Variants in RPAP3 observed in about 807,000 individuals in gnomAD.
RPAP3 encodes the protein RNA polymerase II-associated protein 3.
A neutral mutation model predicts 88.8 loss-of-function variants in RPAP3; 58 were observed. That is an observed-to-expected ratio of 0.65 (90% CI 0.53 to 0.81). The LOEUF (loss-of-function observed/expected upper bound fraction) is 0.81. Ranked by LOEUF, RPAP3 falls within the 40% of genes least tolerant of loss-of-function variation. RPAP3 has a pLI of 0.00. For missense variants in RPAP3, 751 were observed against 764.3 expected (o/e 0.98, Z 0.20); for synonymous variants, 255 against 259.9 (o/e 0.98, Z 0.18).
In RPAP3 at chr12:47,681,825, A is replaced by C; in HGVS notation, c.993-8T>G. The C allele has an allele frequency of 6.4e-7, 1 of 1,569,346 alleles. No individual in the cohort carries two copies. The highest frequency in any genetic ancestry group is 8.6e-7 in the Non-Finnish European group (1 of 1,164,664). The stretch of plus-strand genomic sequence containing the variant: ...TTTTCAGCTTCTTCATATCTATTGA[A>C]CATGATAAAATTACTGACTGGAAAA... On this transcript the variant is annotated splice_region_variant and splice_polypyrimidine_tract_variant and intron_variant, in intron 9 of 16. Coordinates refer to ENST00000005386, the MANE Select transcript of RPAP3 (RefSeq NM_024604.3).
Position 47,669,074 on chromosome 12 carries a change from A to G in RPAP3, c.1555T>C (p.Cys519Arg), listed in dbSNP as rs1938942009. 2 of 1,613,832 alleles carry G rather than the reference A, an allele frequency of 1.2e-6. No individual in the cohort carries two copies. The highest frequency in any genetic ancestry group is 1.7e-4 in the Middle Eastern group (1 of 6,060). ...QPQASLKQDV[C>R]QSYSEKMPIE... ...GGCATTTTCTCGCTGTAAGACTGAC[A>G]TACATCCTGCTTCAAACTGGCTTGA... Residue 519 changes from cysteine (C) to arginine (R), a missense_variant, in exon 14 of 17, where the codon TGT (cysteine) becomes CGT (arginine). Coordinates refer to ENST00000005386, the MANE Select transcript of RPAP3 (RefSeq NM_024604.3).
intron 9 of RPAP3, 32 bp downstream of exon 9, chr12:47,686,748 C>T: frequency 7.0e-7 from 1 of 1,425,922 alleles, no homozygotes; most frequent in Non-Finnish European, 9.3e-7. Flanking sequence ...AATTTTTATC[C>T]TGAACAGCAC....
chr12:47,681,556 T>C (rs1204254127), intron 10 of RPAP3, 140 bp downstream of exon 10: 4 of 831,146 alleles, frequency 4.8e-6, no homozygotes, highest in Non-Finnish European at 1.8e-6. Context: ...TCCAAATCTA[T>C]TCGTGATCTA....
chr12:47,705,093 G>A (rs56967344), intron 1 of RPAP3, among the ~76,000 whole-genome samples: 6,536 of 152,220 alleles, frequency 0.043, 463 homozygotes, highest in African/African-American at 0.14. Context: ...CATAGTCTGG[G>A]GAAAAAGCAA....
Position 47,688,063 on chromosome 12 carries a change from C to G in RPAP3, c.739-62G>C, listed in dbSNP as rs1270514683. The stretch of plus-strand genomic sequence containing the variant: ...TAATGCAAGATGCATATATATTTGA[C>G]CTTAAAACATAAATACCTCAAATAT... On this transcript the variant is annotated intron_variant, in intron 7 of 16. Transcript: ENST00000005386. The G allele has an allele frequency of 8.7e-6, 12 of 1,385,360 alleles. No homozygotes were observed. The South Asian group carries it at 2.0e-4, about 23-fold the overall frequency. The allele number at this position is 1,385,360 out of a possible 1,614,324, so 85.8% of individuals were successfully genotyped here.
At chr12:47,686,412 G>A (rs976832813) in intron 9 of RPAP3, among the ~76,000 whole-genome samples, 3 of 151,996 alleles carry the variant, frequency 2.0e-5, no homozygotes, top group Non-Finnish European at 4.4e-5. Context: ...TACATAAAGC[G>A]ACTAGAGAAA....
chr12:47,672,432 CTCA>C (rs1485606508), intron 12 of RPAP3, among the ~76,000 whole-genome samples: 1 of 152,144 alleles, frequency 6.6e-6, no homozygotes. Flanking sequence ...CTGAAATTGC[CTCA>C]GCATTTATGC....
intron 12 of RPAP3, among the ~76,000 whole-genome samples, chr12:47,678,293 A>G (rs1021968750): frequency 6.6e-6 from 1 of 152,176 alleles, no homozygotes; most frequent in Admixed American, 6.5e-5. Context: ...AACCATAAAA[A>G]CCCTACAAGA....
intron 1 of RPAP3, among the ~76,000 whole-genome samples, chr12:47,703,536 G>C (rs1472429952): frequency 1.3e-5 from 2 of 152,190 alleles, no homozygotes. Flanking sequence ...CCCTGCGTCA[G>C]AGGTACATAC....
At chr12:47,666,103 TA>T (rs1463672928) in intron 16 of RPAP3, among the ~76,000 whole-genome samples, 3 of 152,174 alleles carry the variant, frequency 2.0e-5, no homozygotes, top group African/African-American at 7.2e-5. Flanking sequence ...TGAGTTTTGC[TA>T]ATTATTAAAA....
intron 10 of RPAP3, among the ~76,000 whole-genome samples, chr12:47,680,969 G>GA (rs1939211613): frequency 1.4e-5 from 2 of 140,518 alleles, no homozygotes; most frequent in Admixed American, 7.0e-5. Context: ...ACAAAAAAAC[G>GA]AAACAAAAAA....
chr12:47,697,753 T>C, intron 3 of RPAP3, 34 bp from the exon 4 acceptor site: 6 of 1,554,802 alleles, frequency 3.9e-6, no homozygotes, highest in Admixed American at 2.2e-5. Context: ...GGGGTCATAA[T>C]TATATGATTA....
At position 47,679,608 on chromosome 12, in the gene RPAP3, T is replaced by G. The variant is rs1449008453; in HGVS notation, c.1186-14A>C. On this transcript the variant is annotated splice_polypyrimidine_tract_variant and intron_variant, in intron 11 of 16. Coordinates refer to ENST00000005386, the MANE Select transcript of RPAP3 (RefSeq NM_024604.3). ...CTCAATTAATTCCTTGAAAATAAAT[T>G]TATAACCCTAACTTTCAAAATATTT... is the stretch of plus-strand genomic sequence containing the variant. 6.4e-7 allele frequency: 1 copy of G among 1,561,776 alleles called. No homozygotes were observed. The highest frequency in any genetic ancestry group is 1.4e-5 in the African/African-American group (1 of 73,554).
intron 6 of RPAP3, among the ~76,000 whole-genome samples, chr12:47,690,050 A>T (rs1430166243): frequency 2.6e-5 from 4 of 151,440 alleles, no homozygotes; most frequent in African/African-American, 9.7e-5. Flanking sequence ...TCAAAAAAAA[A>T]AAAAAGAAAA....
chr12:47,681,655 C>G, intron 10 of RPAP3, 41 bp downstream of exon 10: 1 of 1,594,128 alleles, frequency 6.3e-7, no homozygotes, highest in East Asian at 2.3e-5. Context: ...AACTTGGGCA[C>G]TCATCAGGAT....
Position 47,674,084 on chromosome 12 carries a change from T to TAAAA in RPAP3, c.1288-3743_1288-3740dup, listed in dbSNP as rs34101861. On this transcript the variant is annotated intron_variant, in intron 12 of 16. Transcript: ENST00000005386. ...CCTAGGAAGTATTTTTTAAAGATTC[T>TAAAA]AAAAAAAAAAAAAAAAAAAAAGTGC... is the stretch of plus-strand genomic sequence containing the variant. 2.3e-4 allele frequency among the ~76,000 whole-genome samples: 28 copies of TAAAA among 123,294 alleles called. 6 individuals carry two copies. The highest frequency in any genetic ancestry group is 2.8e-4 in the Non-Finnish European group (17 of 60,622). 80.9% of individuals were successfully genotyped at this position (123,294 alleles called of 152,430 possible). A position where few individuals can be genotyped will look rare whatever the true frequency, so the allele number is the denominator to read the frequency against.
At chr12:47,694,093 T>C (rs147298243) in intron 5 of RPAP3, among the ~76,000 whole-genome samples, 1 of 152,222 alleles carries the variant, frequency 6.6e-6, no homozygotes, top group Non-Finnish European at 1.5e-5. Context: ...AAAAGTTATA[T>C]TGATGAGTAA....
At chr12:47,705,618 C>G (rs1281612718) in intron 1 of RPAP3, among the ~76,000 whole-genome samples, 1 of 152,250 alleles carries the variant, frequency 6.6e-6, no homozygotes, top group Non-Finnish European at 1.5e-5. Context: ...CGGCGAACAC[C>G]GCACACCCAC....
At chr12:47,699,170 T>A (rs1939596873) in intron 3 of RPAP3, among the ~76,000 whole-genome samples, 1 of 152,166 alleles carries the variant, frequency 6.6e-6, no homozygotes. Context: ...GACACCAAAA[T>A]GACAACTGCA....
Sources: gnomAD v4.1 joint callset for allele counts (sites outside exome capture counted in the v4.1 genomes callset) on GRCh38, gnomAD v4.1.1 for gene constraint, MANE v1.5 for transcripts, NCBI Gene and HGNC (gene_info 2026-07-23, HGNC 2026-07-21) for gene names.